The following KRT14 variants were observed in gnomAD, a reference collection of about 807,000 sequenced individuals.
KRT14 encodes the protein keratin, type I cytoskeletal 14.
In KRT14, 30 loss-of-function variants were observed where a neutral mutation model predicts 44.5. The ratio of observed to expected loss-of-function variants is 0.67; its 90% CI spans 0.50 to 0.92. The LOEUF (loss-of-function observed/expected upper bound fraction) is 0.92. Among genes scored for constraint, KRT14 ranks in the 40% least tolerant of loss-of-function variants. The pLI is 0.00. For missense variants in KRT14, 535 were observed against 640.6 expected (o/e 0.84, Z 1.78); for synonymous variants, 241 against 257.6 (o/e 0.94, Z 0.62).
chr17:41,586,036 T>G (rs1318140909), intron 1 of KRT14, among the ~76,000 whole-genome samples: 2 of 152,222 alleles, frequency 1.3e-5, no homozygotes, highest in African/African-American at 2.4e-5. Flanking sequence ...TCACAGCACC[T>G]CTCGAAGCTT....
At chr17:41,585,979 C>T (rs1266481830) in intron 1 of KRT14, among the ~76,000 whole-genome samples, 3 of 152,246 alleles carry the variant, frequency 2.0e-5, no homozygotes, top group Non-Finnish European at 4.4e-5. Context: ...GGCACAAGGG[C>T]CCCAGCCTTG....
In KRT14 at chr17:41,584,077, T is replaced by C. The variant is rs1451361247; in HGVS notation, c.766-156A>G. 9.8e-5 allele frequency among the ~76,000 whole-genome samples: 13 copies of C among 133,176 alleles called. No individual in the cohort carries two copies. In the East Asian group the frequency reaches 2.2e-3, roughly 22 times the overall value. The allele number at this position is 133,176 out of a possible 152,430, so 87.4% of individuals were successfully genotyped here. A position where few individuals can be genotyped will look rare whatever the true frequency, so the allele number is the denominator to read the frequency against. ...TCTCTCTCTCTCTCTCTCTTTTTTT[T>C]TTTTTTTTTTTTTTTTTTTTTGGAC... On this transcript the variant is annotated intron_variant, in intron 3 of 7. Transcript: ENST00000167586.
rs1340895845 is a variant in KRT14, at chr17:41,586,681, C to A, written c.154G>T (p.Val52Phe). 6.3e-7 allele frequency: 1 copy of A among 1,597,722 alleles called. No individual in the cohort carries two copies. The highest frequency in any genetic ancestry group is 1.8e-5 in the Admixed American group (1 of 56,948). ...APSTYGGGLSVSSSRFSSGGA... is the reference protein window; with the variant it reads ...APSTYGGGLSFSSSRFSSGGA... ...CCAGAGGAGAAGCGGGAGGATGAGA[C>A]AGACAGGCCGCCCCCGTAGGTGCTG... Residue 52 changes from valine (V) to phenylalanine (F), a missense_variant, in exon 1 of 8, where the codon GTC (valine) becomes TTC (phenylalanine). Val to Phe is a conservative substitution (Grantham distance 50). Transcript: ENST00000167586.
At chr17:41,584,761 C>T (rs1357135247) in intron 2 of KRT14, among the ~76,000 whole-genome samples, 1 of 152,206 alleles carries the variant, frequency 6.6e-6, no homozygotes, top group Non-Finnish European at 1.5e-5. Flanking sequence ...GGTTCTGAAA[C>T]CTGGCTGTGG....
chr17:41,585,764 G>A lies in KRT14; in HGVS notation c.525+546C>T, dbSNP rs567828231. ...CTCTCTCTGTGCAGGGCACATCAAG[G>A]GACCACACTAATTGTCTCTGCAGGC... On this transcript the variant is annotated intron_variant, in intron 1 of 7. Coordinates refer to ENST00000167586, the MANE Select transcript of KRT14 (RefSeq NM_000526.5). 5.9e-5 allele frequency among the ~76,000 whole-genome samples: 9 copies of A among 152,350 alleles called. No individual in the cohort carries two copies. The South Asian group carries it at 6.2e-4, about 11-fold the overall frequency.
In KRT14 at chr17:41,583,937, C is replaced by T. The variant is rs1404006620; in HGVS notation, c.766-16G>A. 1 of 1,613,828 alleles carries T rather than the reference C, an allele frequency of 6.2e-7. No individual in the cohort carries two copies. Among genetic ancestry groups the T allele is most frequent in the African/African-American group, 1.3e-5 (1 of 74,914 alleles). ...CATTCATCTCCTGCACAGCCAGGGACAGTCCACAGTCAGGAGTTCCACCAT... is the reference window on the plus strand; with the variant it reads ...CATTCATCTCCTGCACAGCCAGGGATAGTCCACAGTCAGGAGTTCCACCAT... On this transcript the variant is annotated splice_polypyrimidine_tract_variant and intron_variant, in intron 3 of 7. Transcript: ENST00000167586.
intron 2 of KRT14, 180 bp from the exon 3 acceptor site, chr17:41,584,593 C>T (rs1475939462): frequency 1.3e-5 from 9 of 676,734 alleles, no homozygotes; most frequent in South Asian, 3.4e-5. Flanking sequence ...AACATTCCTG[C>T]GGGCTGGGGA....
At position 41,586,418 on chromosome 17, in the gene KRT14, G is replaced by T. The variant is rs761951366; in HGVS notation, c.417C>A (p.Ala139=). The T allele has an allele frequency of 1.2e-6, 2 of 1,613,924 alleles. No individual in the cohort carries two copies. The highest frequency in any genetic ancestry group is 1.7e-6 in the Non-Finnish European group (2 of 1,180,020). Residue 139 remains alanine, a synonymous_variant, in exon 1 of 8, where the codon GCC becomes GCA. Transcript: ENST00000167586. ...GGATCTTCACTTCCAGGTCGGCGTT[G>T]GCCTCCTCCAGAGCACGCACCTTGT... ...YLDKVRALEE[A]NADLEVKIRD...
chr17:41,586,250 C>T lies in KRT14; in HGVS notation c.525+60G>A, dbSNP rs1597799701. On this transcript the variant is annotated intron_variant, in intron 1 of 7. Coordinates refer to ENST00000167586, the MANE Select transcript of KRT14 (RefSeq NM_000526.5). ...ATCTTAAGGTCTCAGGGGCCTGGGGCATGAATTGTTCCCAGAAGGAGCTAG... is the reference window on the plus strand; with the variant it reads ...ATCTTAAGGTCTCAGGGGCCTGGGGTATGAATTGTTCCCAGAAGGAGCTAG... 5 of 1,601,670 alleles carry T rather than the reference C, an allele frequency of 3.1e-6. No homozygotes were observed. The African/African-American group carries it at 4.0e-5, about 13-fold the overall frequency.
In KRT14 at chr17:41,586,652, T is replaced by C. The variant is rs766391033; in HGVS notation, c.183A>G (p.Gly61=). ...CATAGCCGCCCCCCAGCCCGCAGGC[T>C]CCCCCAGAGGAGAAGCGGGAGGATG... ...SVSSSRFSSG[G]ACGLGGGYGG... Residue 61 remains glycine, a synonymous_variant, in exon 1 of 8, where the codon GGA becomes GGG. Coordinates refer to ENST00000167586, the MANE Select transcript of KRT14 (RefSeq NM_000526.5). The C allele has an allele frequency of 7.0e-5, 113 of 1,603,396 alleles. No homozygotes were observed. Among genetic ancestry groups the C allele is most frequent in the Middle Eastern group, 1.7e-4 (1 of 5,784 alleles).
chr17:41,584,061 C>CTG, intron 3 of KRT14, 140 bp from the exon 4 acceptor site: 1 of 545,578 alleles, frequency 1.8e-6, no homozygotes, highest in Non-Finnish European at 2.9e-6. Context: ...ATCTCTCTCT[C>CTG]TCTCTCTCTT....
chr17:41,585,079 G>A (rs1307000191), intron 1 of KRT14, 22 bp from the exon 2 acceptor site: 12 of 1,587,550 alleles, frequency 7.6e-6, no homozygotes, highest in African/African-American at 2.7e-5. Context: ...AAAAGGCACA[G>A]GTAATTTGTC....
In KRT14 at chr17:41,582,337, G is replaced by C. The variant is rs1907362170; in HGVS notation, c.*98C>G. 4.6e-6 allele frequency: 4 copies of C among 860,250 alleles called. No individual in the cohort carries two copies. The South Asian group carries it at 5.8e-5, about 12-fold the overall frequency. 53.3% of individuals were successfully genotyped at this position (860,250 alleles called of 1,614,324 possible). A position where few individuals can be genotyped will look rare whatever the true frequency, so the allele number is the denominator to read the frequency against. On this transcript the variant is annotated 3_prime_UTR_variant, in exon 8 of 8. Transcript: ENST00000167586. The stretch of plus-strand genomic sequence containing the variant: ...GCCAGGAGGGGGTGAGGGTGAAGCA[G>C]GGTCCAGCTGTGAAGTGCTTGGGCA...
At chr17:41,584,106 G>A in intron 3 of KRT14, 151 bp downstream of exon 3, 1 of 604,390 alleles carries the variant, frequency 1.7e-6, no homozygotes, top group South Asian at 1.5e-5. Flanking sequence ...TTTGGACAGG[G>A]TCTAGCCTTG....
At chr17:41,584,186 C>T in intron 3 of KRT14, 71 bp downstream of exon 3, 1 of 1,417,824 alleles carries the variant, frequency 7.1e-7, no homozygotes, top group Non-Finnish European at 9.6e-7. Flanking sequence ...GTAGCTGGGA[C>T]TATGGGCACG....
In KRT14 at chr17:41,583,089, C is replaced by T. The variant is rs1907385948; in HGVS notation, c.1321+5G>A. 3.7e-6 allele frequency: 6 copies of T among 1,612,716 alleles called. No individual in the cohort carries two copies. The South Asian group carries it at 4.4e-5, about 12-fold the overall frequency. Reference sequence around the variant, plus strand: ...GCCCAGGCCTGCAGAGGAGGAGGGTCTTACCATCTCTGGATGACTGCGATC... The same window carrying T: ...GCCCAGGCCTGCAGAGGAGGAGGGTTTTACCATCTCTGGATGACTGCGATC... On this transcript the variant is annotated splice_donor_5th_base_variant and intron_variant, in intron 7 of 7. Coordinates refer to ENST00000167586, the MANE Select transcript of KRT14 (RefSeq NM_000526.5).
In KRT14 at chr17:41,586,675, A is replaced by G. The variant is rs756225120; in HGVS notation, c.160T>C (p.Ser54Pro). The G allele has an allele frequency of 6.9e-6, 11 of 1,599,964 alleles. No individual in the cohort carries two copies. The Admixed American group carries it at 1.9e-4, about 28-fold the overall frequency. The change falls in exon 1 of 8, where the codon TCC (serine) becomes CCC (proline). Residue 54 changes from serine to proline, a missense_variant. Transcript: ENST00000167586. ...GCTCCCCCAGAGGAGAAGCGGGAGG[A>G]TGAGACAGACAGGCCGCCCCCGTAG... is the stretch of plus-strand genomic sequence containing the variant. ...STYGGGLSVSSSRFSSGGACG... is the reference protein window; with the variant it reads ...STYGGGLSVSPSRFSSGGACG...
chr17:41,583,122 G>A lies in KRT14; in HGVS notation c.1293C>T (p.Phe431=), dbSNP rs1474294583. 6.2e-7 allele frequency: 1 copy of A among 1,613,262 alleles called. No individual in the cohort carries two copies. The highest frequency in any genetic ancestry group is 8.5e-7 in the Non-Finnish European group (1 of 1,179,980). The stretch of plus-strand genomic sequence containing the variant: ...CTCTGGATGACTGCGATCCAGAGGA[G>A]AACTGGGAGGAGGAGAGGCTGTGAA... ...GEDAHLSSSQ[F]SSGSQSSRDV... is the part of the protein sequence containing the mutation. The change falls in exon 7 of 8, where the codon TTC becomes TTT. Residue 431 remains phenylalanine (F), a synonymous_variant. Transcript: ENST00000167586.
In KRT14 at chr17:41,584,971, T is replaced by A. The variant is rs1187543894; in HGVS notation, c.608+4A>T. ...GATGTTCTGGCCCACCATTTCAAAC[T>A]CACTTGGTGCGGAAGTCATCCGCGG... On this transcript the variant is annotated splice_donor_region_variant and intron_variant, in intron 2 of 7. Coordinates refer to ENST00000167586, the MANE Select transcript of KRT14 (RefSeq NM_000526.5). 7.4e-6 allele frequency: 12 copies of A among 1,612,322 alleles called. No individual in the cohort carries two copies. The highest frequency in any genetic ancestry group is 1.0e-5 in the Non-Finnish European group (12 of 1,178,390).
Sources: allele counts gnomAD v4.1 joint callset (sites outside exome capture counted in the v4.1 genomes callset), GRCh38; gene constraint gnomAD v4.1.1; transcripts MANE v1.5; gene names NCBI Gene and HGNC (gene_info 2026-07-23, HGNC 2026-07-21).